ADAMTSL1: variants seen among roughly 807,000 people sequenced by gnomAD.
ADAMTSL1 encodes the protein ADAMTS like 1, also known as ADAMTS-like protein 1.
ADAMTSL1 carries 126 observed loss-of-function variants against 201.8 expected under a neutral mutation model. The ratio of observed to expected loss-of-function variants is 0.62; its 90% CI spans 0.54 to 0.72. ADAMTSL1 has a LOEUF of 0.72. Among genes scored for constraint, ADAMTSL1 ranks in the 30% least tolerant of loss-of-function variants. The pLI, the probability that ADAMTSL1 is intolerant of heterozygous loss-of-function variation, is 0.00. For synonymous variants in ADAMTSL1, 1,121 were observed against 903.4 expected, an observed-to-expected ratio of 1.24 and a Z score of -4.32; for missense variants, 2,679 against 2,277.8, an observed-to-expected ratio of 1.18 and a Z score of -3.59.
At chr9:18,225,853 G>T (rs1411988447) in intron 2 of ADAMTSL1, among the ~76,000 whole-genome samples, 1 of 151,852 alleles carries the variant, frequency 6.6e-6, no homozygotes, top group African/African-American at 2.4e-5. Context: ...CTTTCTTCTT[G>T]CCTGAGGTGT....
chr9:17,940,712 C>CAAAAAAAAAAAAAAAAAAA (rs60466124), intron 1 of ADAMTSL1, among the ~76,000 whole-genome samples: 3 of 88,668 alleles, frequency 3.4e-5, no homozygotes, highest in South Asian at 3.9e-4. Flanking sequence ...GCATAACGTG[C>CAAAAAAAAAAAAAAAAAAA]AAAAAAAAAA....
At position 18,574,183 on chromosome 9, in the gene ADAMTSL1, G is replaced by A. The variant is rs78291060; in HGVS notation, c.391G>A (p.Val131Ile). The change falls in exon 4 of 29, where the codon GTT becomes ATT. Residue 131 changes from valine (V) to isoleucine (I), a missense_variant. Transcript: ENST00000380548. ...GTGCCAAGCCAAAGGAACAACCCTG[G>A]TTGTTGAACTAGCACCTAAGGTCTT... is the stretch of plus-strand genomic sequence containing the variant. Reference protein sequence around the residue: ...LKCQAKGTTLVVELAPKVLDG... With the variant: ...LKCQAKGTTLIVELAPKVLDG... 6 of 1,614,120 alleles carry A rather than the reference G, an allele frequency of 3.7e-6. No individual in the cohort carries two copies. In the East Asian group the frequency reaches 6.7e-5, roughly 18 times the overall value.
At chr9:18,333,449 A>T (rs546623966) in intron 2 of ADAMTSL1, among the ~76,000 whole-genome samples, 1 of 152,276 alleles carries the variant, frequency 6.6e-6, no homozygotes, top group South Asian at 2.1e-4. Context: ...CTCCCCAGCC[A>T]TGTGGAATTG....
chr9:18,716,108 A>C (rs1832913497), intron 14 of ADAMTSL1, among the ~76,000 whole-genome samples: 1 of 151,384 alleles, frequency 6.6e-6, no homozygotes, highest in South Asian at 2.1e-4. Flanking sequence ...AAAGACTTAA[A>C]CGTTAGACCT....
intron 23 of ADAMTSL1, among the ~76,000 whole-genome samples, chr9:18,846,229 G>T (rs1563853110): frequency 6.6e-6 from 1 of 152,174 alleles, no homozygotes. Context: ...TGATTCCAGT[G>T]GGGGCACTTA....
At chr9:18,305,917 C>T (rs1015604043) in intron 2 of ADAMTSL1, among the ~76,000 whole-genome samples, 5 of 152,046 alleles carry the variant, frequency 3.3e-5, no homozygotes, top group African/African-American at 1.2e-4. Flanking sequence ...GACTGAGAGA[C>T]ACCTCCCAGC....
chr9:18,532,087 C>T (rs1038262656), intron 2 of ADAMTSL1, among the ~76,000 whole-genome samples: 2 of 152,154 alleles, frequency 1.3e-5, no homozygotes, highest in African/African-American at 2.4e-5. Context: ...ATCATTCTCA[C>T]AGGATTTTGT....
At chr9:18,907,047 G>C (rs1830355294) in intron 28 of ADAMTSL1, 135 bp downstream of exon 28, 4 of 922,098 alleles carry the variant, frequency 4.3e-6, no homozygotes, top group South Asian at 1.6e-5. Flanking sequence ...TGGTGGAGTT[G>C]AGCATTTCAG....
intron 15 of ADAMTSL1, among the ~76,000 whole-genome samples, chr9:18,746,242 G>A (rs1819135990): frequency 6.6e-6 from 1 of 152,182 alleles, no homozygotes; most frequent in African/African-American, 2.4e-5. Context: ...TAAATTGGGA[G>A]CCACTAATGA....
At chr9:18,422,441 T>C (rs893438606) in intron 2 of ADAMTSL1, among the ~76,000 whole-genome samples, 1 of 151,756 alleles carries the variant, frequency 6.6e-6, no homozygotes, top group African/African-American at 2.4e-5. Flanking sequence ...ACATCCTCCC[T>C]GTGGGTTTTC....
chr9:17,951,487 A>G (rs1434732725), intron 1 of ADAMTSL1, among the ~76,000 whole-genome samples: 2 of 152,186 alleles, frequency 1.3e-5, no homozygotes, highest in Non-Finnish European at 2.9e-5. Flanking sequence ...ATTTTTGCCA[A>G]AATGGTGAGT....
chr9:18,785,594 C>T (rs181811520), intron 19 of ADAMTSL1, among the ~76,000 whole-genome samples: 6 of 152,278 alleles, frequency 3.9e-5, no homozygotes, highest in East Asian at 3.9e-4. Flanking sequence ...AACTGTTCCT[C>T]GCTTTCAGTC....
At chr9:18,680,663 C>CATGA in intron 11 of ADAMTSL1, 147 bp downstream of exon 11, 1 of 786,458 alleles carries the variant, frequency 1.3e-6, no homozygotes, top group Admixed American at 2.7e-5. Context: ...AGTAGGAATG[C>CATGA]CCCAAATCCA....
intron 2 of ADAMTSL1, among the ~76,000 whole-genome samples, chr9:18,336,988 C>T (rs7029725): frequency 0.53 from 80,319 of 151,878 alleles, 21,607 homozygotes; most frequent in Admixed American, 0.64. Context: ...CAGTGGGTTA[C>T]TGTGATGGTT....
At chr9:18,148,747 A>G (rs192908718) in intron 1 of ADAMTSL1, among the ~76,000 whole-genome samples, 6 of 152,188 alleles carry the variant, frequency 3.9e-5, no homozygotes, top group Non-Finnish European at 8.8e-5. Context: ...CATTTAACAC[A>G]TTTGGTAATA....
chr9:18,408,084 A>G (rs1466533398), intron 2 of ADAMTSL1, among the ~76,000 whole-genome samples: 3 of 152,246 alleles, frequency 2.0e-5, no homozygotes, highest in Non-Finnish European at 4.4e-5. Context: ...GTAGAGTATT[A>G]TAGCCTATGG....
chr9:17,965,359 C>T (rs1220798962), intron 1 of ADAMTSL1, among the ~76,000 whole-genome samples: 8 of 152,068 alleles, frequency 5.3e-5, no homozygotes, highest in African/African-American at 1.9e-4. Flanking sequence ...AGAGAATATA[C>T]TTACATTAAA....
chr9:18,868,666 T>C (rs1827693521), intron 23 of ADAMTSL1, among the ~76,000 whole-genome samples: 1 of 152,228 alleles, frequency 6.6e-6, no homozygotes, highest in Admixed American at 6.5e-5. Flanking sequence ...TGCTCTTTGC[T>C]AAACCTTGCA....
intron 1 of ADAMTSL1, among the ~76,000 whole-genome samples, chr9:18,036,988 A>G (rs146919098): frequency 6.6e-6 from 1 of 151,740 alleles, no homozygotes; most frequent in East Asian, 1.9e-4. Flanking sequence ...CAAACTCAAA[A>G]CTCACTTCTC....
Sources: gnomAD v4.1 joint callset for allele counts (sites outside exome capture counted in the v4.1 genomes callset) on GRCh38, gnomAD v4.1.1 for gene constraint, MANE v1.5 for transcripts, NCBI Gene and HGNC (gene_info 2026-07-23, HGNC 2026-07-21) for gene names.